CNTN3: variants seen among roughly 807,000 people sequenced by gnomAD.
CNTN3 encodes the protein contactin-3.
CNTN3 carries 60 observed loss-of-function variants against 119.1 expected under a neutral mutation model. That is an observed-to-expected ratio of 0.50 (90% confidence interval 0.41 to 0.62). The LOEUF (loss-of-function observed/expected upper bound fraction) is 0.62. CNTN3 is among the 20% of genes least tolerant of loss of function. CNTN3 has a pLI of 0.00. For synonymous variants in CNTN3, 450 were observed against 438.7 expected, an observed-to-expected ratio of 1.03 and a Z score of -0.32; for missense variants, 1,101 against 1,242.4, an observed-to-expected ratio of 0.89 and a Z score of 1.71.
chr3:74,369,332 G>A lies in CNTN3; in HGVS notation c.803C>T (p.Pro268Leu). ...CCTTAATTTAATTTTGCTGGAAAAT[G>A]GCAGCCCATCACTTCTTCTCCAATT... ...QINWRRSDGL[P>L]FSSKIKLRKF... Residue 268 changes from proline to leucine, a missense_variant, in exon 8 of 23, where the codon CCA (proline) becomes CTA (leucine). By Grantham distance (98) the Pro-to-Leu change is moderately conservative. Coordinates refer to ENST00000263665, the MANE Select transcript of CNTN3 (RefSeq NM_020872.3). The A allele has an allele frequency of 6.2e-7, 1 of 1,607,698 alleles. No homozygotes were observed. Among genetic ancestry groups the A allele is most frequent in the South Asian group, 1.1e-5 (1 of 90,212 alleles).
intron 4 of CNTN3, among the ~76,000 whole-genome samples, chr3:74,440,482 G>GT (rs1701944631): frequency 4.0e-5 from 3 of 74,810 alleles, no homozygotes; most frequent in African/African-American, 1.4e-4. Flanking sequence ...AAAGCAAATA[G>GT]CAAAAAAAAA....
At chr3:74,589,328 T>G (rs1393895235) in intron 1 of CNTN3, among the ~76,000 whole-genome samples, 1 of 150,590 alleles carries the variant, frequency 6.6e-6, no homozygotes, top group African/African-American at 2.4e-5. Context: ...AAAGAAGACA[T>G]TTATGCAGCC....
At chr3:74,439,217 T>C (rs774626662) in intron 4 of CNTN3, among the ~76,000 whole-genome samples, 11 of 152,182 alleles carry the variant, frequency 7.2e-5, no homozygotes, top group South Asian at 4.1e-4. Context: ...CTTCAATATG[T>C]ACAATTAGGC....
At chr3:74,500,721 A>G (rs925839726) in intron 2 of CNTN3, among the ~76,000 whole-genome samples, 11 of 152,106 alleles carry the variant, frequency 7.2e-5, no homozygotes, top group African/African-American at 2.7e-4. Flanking sequence ...AGTTTACATT[A>G]ATAAAAATAT....
intron 1 of CNTN3, among the ~76,000 whole-genome samples, chr3:74,606,835 C>G (rs915630553): frequency 2.6e-5 from 4 of 152,102 alleles, no homozygotes; most frequent in African/African-American, 9.6e-5. Flanking sequence ...TTTTTAAAAA[C>G]TAATGTTGCC....
intron 1 of CNTN3, among the ~76,000 whole-genome samples, chr3:74,597,128 G>T (rs1704826901): frequency 6.6e-6 from 1 of 152,034 alleles, no homozygotes; most frequent in Non-Finnish European, 1.5e-5. Context: ...TAGTTCACAG[G>T]TCTGACATTT....
At chr3:74,404,154 A>T (rs1705264523) in intron 5 of CNTN3, among the ~76,000 whole-genome samples, 1 of 152,142 alleles carries the variant, frequency 6.6e-6, no homozygotes, top group Non-Finnish European at 1.5e-5. Flanking sequence ...ATCAAAATAA[A>T]TACACACAAA....
chr3:74,314,374 T>C (rs1702776273), intron 13 of CNTN3, among the ~76,000 whole-genome samples: 1 of 152,194 alleles, frequency 6.6e-6, no homozygotes. Context: ...TGCCAGAATG[T>C]ATCAAAAAGC....
chr3:74,365,633 C>G lies in CNTN3; in HGVS notation c.1016G>C (p.Cys339Ser). Residue 339 changes from cysteine to serine, a missense_variant, in exon 9 of 23, where the codon TGC (cysteine) becomes TCC (serine). Coordinates refer to ENST00000263665, the MANE Select transcript of CNTN3 (RefSeq NM_020872.3). ...AGGCTTGGGCTTGCCGCTTGCCCTG[C>G]ATTCCCAATAAAGACTGTCCTCCAC... is the stretch of plus-strand genomic sequence containing the variant. ...IAVEDSLYWE[C>S]RASGKPKPSY... 6.2e-7 allele frequency: 1 copy of G among 1,613,578 alleles called. No homozygotes were observed. Among genetic ancestry groups the G allele is most frequent in the Non-Finnish European group, 8.5e-7 (1 of 1,179,614 alleles).
chr3:74,335,259 T>C (rs1703362508), intron 12 of CNTN3, among the ~76,000 whole-genome samples: 1 of 151,414 alleles, frequency 6.6e-6, no homozygotes, highest in African/African-American at 2.5e-5. Flanking sequence ...AAATAGAAAA[T>C]ACTGTGTTTT....
At chr3:74,451,796 C>G (rs994914045) in intron 4 of CNTN3, among the ~76,000 whole-genome samples, 3 of 150,880 alleles carry the variant, frequency 2.0e-5, no homozygotes. Context: ...GCTTGTTTTT[C>G]TCAGATTTGT....
At chr3:74,426,438 T>C (rs562511982) in intron 4 of CNTN3, among the ~76,000 whole-genome samples, 1 of 152,198 alleles carries the variant, frequency 6.6e-6, no homozygotes, top group East Asian at 1.9e-4. Context: ...AAAAGCAAAA[T>C]AATTATCTTC....
At chr3:74,457,215 G>T (rs2106963806) in intron 4 of CNTN3, among the ~76,000 whole-genome samples, 1 of 152,076 alleles carries the variant, frequency 6.6e-6, no homozygotes, top group East Asian at 1.9e-4. Flanking sequence ...ACCATTTAGT[G>T]TAAGAGCAAT....
At chr3:74,473,504 A>G (rs1381594593) in intron 4 of CNTN3, among the ~76,000 whole-genome samples, 1 of 152,180 alleles carries the variant, frequency 6.6e-6, no homozygotes, top group Non-Finnish European at 1.5e-5. Flanking sequence ...CTTTATTTTG[A>G]AAAGAGATTA....
chr3:74,521,143 GTC>G lies in CNTN3; in HGVS notation c.-33_-32del. The G allele has an allele frequency of 6.9e-7, 1 of 1,452,426 alleles. No individual in the cohort carries two copies. The highest frequency in any genetic ancestry group is 9.6e-7 in the Non-Finnish European group (1 of 1,046,422). 90.0% of individuals were successfully genotyped at this position (1,452,426 alleles called of 1,614,324 possible). A position where few individuals can be genotyped will look rare whatever the true frequency, so the allele number is the denominator to read the frequency against. On this transcript the variant is annotated 5_prime_UTR_variant, in exon 2 of 23. Transcript: ENST00000263665. ...ATTGCCAAATGCAAGAGTAACTCTTGTCCAGTCTCTGATGAATAGAATGCTTT... is the reference window on the plus strand; with the variant it reads ...ATTGCCAAATGCAAGAGTAACTCTTGCAGTCTCTGATGAATAGAATGCTTT...
At chr3:74,523,495 C>T (rs1392211858) in intron 1 of CNTN3, among the ~76,000 whole-genome samples, 1 of 151,868 alleles carries the variant, frequency 6.6e-6, no homozygotes, top group Non-Finnish European at 1.5e-5. Context: ...GACTAGAACA[C>T]TGCAAAGGCT....
chr3:74,297,395 C>A (rs12107462), intron 18 of CNTN3, among the ~76,000 whole-genome samples: 62,617 of 147,854 alleles, frequency 0.42, 13,383 homozygotes, highest in South Asian at 0.6. Flanking sequence ...AAAAAAAAAA[C>A]AAAACACGGG....
chr3:74,277,969 C>T (rs1701915125), intron 20 of CNTN3, among the ~76,000 whole-genome samples: 1 of 151,478 alleles, frequency 6.6e-6, no homozygotes. Flanking sequence ...TACACACCAA[C>T]AGTGACCAAG....
rs867612793 is a variant in CNTN3 at position 74,350,108 on chromosome 3, T to C, written c.1364+11782A>G. Among the ~76,000 whole-genome samples the C allele has an allele frequency of 1.7e-4, 26 of 152,308 alleles. No homozygotes were observed. The South Asian group carries it at 5.0e-3, about 29-fold the overall frequency. ...TTAGTTGATATGATTTTAGAGACCATGTGTCAGCAATCTGTTTAAAATAAC... is the reference window on the plus strand; with the variant it reads ...TTAGTTGATATGATTTTAGAGACCACGTGTCAGCAATCTGTTTAAAATAAC... On this transcript the variant is annotated intron_variant, in intron 11 of 22. Transcript: ENST00000263665.
Sources: allele counts gnomAD v4.1 joint callset (sites outside exome capture counted in the v4.1 genomes callset), GRCh38; gene constraint gnomAD v4.1.1; transcripts MANE v1.5; gene names NCBI Gene and HGNC (gene_info 2026-07-23, HGNC 2026-07-21).